Variants in CRIM1 observed in about 807,000 individuals in gnomAD.
CRIM1 encodes the protein cysteine rich transmembrane BMP regulator 1.
In CRIM1, 32 loss-of-function variants were observed where a neutral mutation model predicts 116.4. The ratio of observed to expected loss-of-function variants is 0.27; its 90% confidence interval spans 0.21 to 0.37. CRIM1 has a LOEUF of 0.37. CRIM1 is among the 10% of genes least tolerant of loss of function. The pLI is 1.00. For missense variants in CRIM1, 1,331 were observed against 1,354.8 expected (o/e 0.98, Z 0.28); for synonymous variants, 590 against 509.2 (o/e 1.16, Z -2.13).
intron 4 of CRIM1, among the ~76,000 whole-genome samples, chr2:36,458,407 C>T (rs1445664828): frequency 2.0e-5 from 3 of 152,132 alleles, no homozygotes; most frequent in Non-Finnish European, 2.9e-5. Context: ...TGTAGGTTAT[C>T]TTCCTTTAAG....
chr2:36,544,536 A>G, intron 15 of CRIM1, 38 bp downstream of exon 15: 2 of 1,317,648 alleles, frequency 1.5e-6, no homozygotes, highest in South Asian at 3.0e-5. Context: ...CTAGTTTTCT[A>G]TGTGGTCTAC....
intron 1 of CRIM1, chr2:36,378,210 C>G (rs531672850): frequency 4.6e-6 from 2 of 433,332 alleles, no homozygotes; most frequent in South Asian, 3.5e-5. Flanking sequence ...CTGTGTAAGT[C>G]GCAGGTGTTC....
chr2:36,387,933 C>G (rs1211085941), intron 1 of CRIM1, among the ~76,000 whole-genome samples: 1 of 149,662 alleles, frequency 6.7e-6, no homozygotes, highest in Non-Finnish European at 1.5e-5. Flanking sequence ...GCTCTTTTTT[C>G]AAGTTGGATG....
chr2:36,429,127 G>T (rs890133866), intron 2 of CRIM1, among the ~76,000 whole-genome samples: 1 of 152,218 alleles, frequency 6.6e-6, no homozygotes, highest in Non-Finnish European at 1.5e-5. Flanking sequence ...CCTAGCACCT[G>T]TGTGGAGCCC....
chr2:36,424,788 A>G (rs1194617616), intron 2 of CRIM1, among the ~76,000 whole-genome samples: 1 of 152,190 alleles, frequency 6.6e-6, no homozygotes. Context: ...CATGAGCCTC[A>G]ATGGATATCT....
chr2:36,542,902 A>G (rs777125025), intron 14 of CRIM1, among the ~76,000 whole-genome samples: 37 of 152,048 alleles, frequency 2.4e-4, no homozygotes, highest in Admixed American at 1.4e-3. Flanking sequence ...GAGTCAGCAC[A>G]TTTTCTAAGC....
rs77164060 is a variant in CRIM1, at chr2:36,394,577, A to G, written c.332-2037A>G. On this transcript the variant is annotated intron_variant, in intron 1 of 16. Coordinates refer to ENST00000280527, the MANE Select transcript of CRIM1 (RefSeq NM_016441.3). ...ATGTACCTTTATGTGTCTATGTTATATTTGTGTGTGTGTGTATGTTGCTTC... is the reference window on the plus strand; with the variant it reads ...ATGTACCTTTATGTGTCTATGTTATGTTTGTGTGTGTGTGTATGTTGCTTC... Among the ~76,000 whole-genome samples, 967 of 151,690 alleles carry G rather than the reference A, an allele frequency of 6.4e-3. 11 individuals carry two copies. The highest frequency in any genetic ancestry group is 0.041 in the Middle Eastern group (12 of 294).
intron 1 of CRIM1, among the ~76,000 whole-genome samples, chr2:36,391,250 T>C (rs1671570591): frequency 6.9e-6 from 1 of 145,318 alleles, no homozygotes; most frequent in East Asian, 2.2e-4. Context: ...TGCCTCAGCC[T>C]CCCGAGAAGC....
At chr2:36,462,005 G>C (rs900121596) in intron 4 of CRIM1, among the ~76,000 whole-genome samples, 1 of 152,328 alleles carries the variant, frequency 6.6e-6, no homozygotes, top group African/African-American at 2.4e-5. Context: ...GCAACAGGTA[G>C]ATCAGAAGGC....
intron 1 of CRIM1, among the ~76,000 whole-genome samples, chr2:36,360,718 A>T (rs1452625253): frequency 6.6e-6 from 1 of 152,160 alleles, no homozygotes; most frequent in African/African-American, 2.4e-5. Flanking sequence ...TAATGAACCC[A>T]AACATTTCAT....
At chr2:36,462,665 A>G (rs1054206696) in intron 4 of CRIM1, among the ~76,000 whole-genome samples, 3 of 152,254 alleles carry the variant, frequency 2.0e-5, no homozygotes, top group Non-Finnish European at 4.4e-5. Context: ...TTAATCAGCT[A>G]TTCTTGCGGG....
At chr2:36,427,497 A>C (rs1256930542) in intron 2 of CRIM1, among the ~76,000 whole-genome samples, 2 of 152,112 alleles carry the variant, frequency 1.3e-5, no homozygotes, top group Non-Finnish European at 2.9e-5. Flanking sequence ...AAGCTTTCAG[A>C]GGTGGGAGCC....
intron 1 of CRIM1, among the ~76,000 whole-genome samples, chr2:36,357,389 C>G (rs1668920245): frequency 6.6e-6 from 1 of 152,162 alleles, no homozygotes; most frequent in African/African-American, 2.4e-5. Flanking sequence ...CCGGTTCCTC[C>G]TTTTTGTTTG....
chr2:36,476,632 G>A (rs1027318873), intron 5 of CRIM1, among the ~76,000 whole-genome samples: 2 of 152,206 alleles, frequency 1.3e-5, no homozygotes, highest in African/African-American at 2.4e-5. Context: ...CTTTGTCTGG[G>A]ATGGAAGGAA....
chr2:36,377,889 A>G (rs1010979354), intron 1 of CRIM1, among the ~76,000 whole-genome samples: 1 of 152,184 alleles, frequency 6.6e-6, no homozygotes, highest in South Asian at 2.1e-4. Context: ...TCCAAACTCT[A>G]TGTTGATAAC....
At chr2:36,523,207 T>C (rs565854844) in intron 13 of CRIM1, among the ~76,000 whole-genome samples, 28 of 152,282 alleles carry the variant, frequency 1.8e-4, no homozygotes, top group African/African-American at 6.7e-4. Flanking sequence ...ACTTAGTGTA[T>C]AAAGCTTGCT....
chr2:36,477,894 C>T (rs1468445201), intron 6 of CRIM1, among the ~76,000 whole-genome samples: 1 of 152,126 alleles, frequency 6.6e-6, no homozygotes, highest in Non-Finnish European at 1.5e-5. Flanking sequence ...TAACAATAAC[C>T]CCGTGCCTGA....
In CRIM1 at chr2:36,356,371, C is replaced by T. The variant is rs1235139351; in HGVS notation, c.79C>T (p.Leu27=). 5 of 1,595,038 alleles carry T rather than the reference C, an allele frequency of 3.1e-6. No homozygotes were observed. The Admixed American group carries it at 5.2e-5, about 17-fold the overall frequency. Residue 27 remains leucine (L), a synonymous_variant, in exon 1 of 17, where the codon CTG becomes TTG. Coordinates refer to ENST00000280527, the MANE Select transcript of CRIM1 (RefSeq NM_016441.3). This position sits in a 1 kb window ranked among gnomAD's most constrained non-coding sequence, Gnocchi z 4.3. ...CTCGCTGCTGGGGCTGCTGCTGCTG[C>T]TGGCGCGCTCCGGCACCCGGGCGCT... ...LVSLLGLLLL[L]ARSGTRALVC...
chr2:36,399,702 A>G (rs1349034889), intron 2 of CRIM1, among the ~76,000 whole-genome samples: 1 of 152,260 alleles, frequency 6.6e-6, no homozygotes, highest in Non-Finnish European at 1.5e-5. Context: ...ATGATTTAGT[A>G]AGAAGGAAAA....
Sources: allele counts gnomAD v4.1 joint callset (sites outside exome capture counted in the v4.1 genomes callset), GRCh38; gene constraint gnomAD v4.1.1; non-coding constraint Gnocchi (gnomAD v3.1); transcripts MANE v1.5; gene names NCBI Gene and HGNC (gene_info 2026-07-23, HGNC 2026-07-21).